The following UBE2V2 variants were observed in gnomAD, a reference collection of about 807,000 sequenced individuals.
UBE2V2 encodes the protein ubiquitin-conjugating enzyme E2 variant 2.
A neutral mutation model predicts 17.2 loss-of-function variants in UBE2V2; 9 were observed. That is an observed-to-expected ratio of 0.52 (90% confidence interval 0.32 to 0.91). The LOEUF (loss-of-function observed/expected upper bound fraction) is 0.91. Ranked by LOEUF, UBE2V2 falls within the 40% of genes least tolerant of loss-of-function variation. The pLI is 0.04. For synonymous variants in UBE2V2, 61 were observed against 57.5 expected (o/e 1.06, Z -0.28); for missense variants, 133 against 182.6 (o/e 0.73, Z 1.56).
At chr8:48,031,227 C>T (rs984562740) in intron 1 of UBE2V2, among the ~76,000 whole-genome samples, 1 of 151,752 alleles carries the variant, frequency 6.6e-6, no homozygotes, top group Non-Finnish European at 1.5e-5. Context: ...CAAACAAACC[C>T]CCCCCAACAA....
chr8:48,032,657 G>GA, intron 1 of UBE2V2, among the ~76,000 whole-genome samples: 1 of 152,272 alleles, frequency 6.6e-6, no homozygotes, highest in South Asian at 2.1e-4. Context: ...TCTGGAGGCT[G>GA]ACGTGGAAGG....
At chr8:48,029,196 C>T (rs2091366786) in intron 1 of UBE2V2, among the ~76,000 whole-genome samples, 1 of 151,932 alleles carries the variant, frequency 6.6e-6, no homozygotes, top group Admixed American at 6.6e-5. Flanking sequence ...GGGCACAATG[C>T]TGTGTGCCTA....
chr8:48,051,053 G>T (rs959114789), intron 3 of UBE2V2, among the ~76,000 whole-genome samples: 1 of 152,050 alleles, frequency 6.6e-6, no homozygotes, highest in African/African-American at 2.4e-5. Flanking sequence ...TCGTCATGTT[G>T]GCCAGGCTGG....
the UBE2V2 span, among the ~76,000 whole-genome samples, chr8:47,998,152 T>C: frequency 9.9e-5 from 15 of 152,054 alleles, 1 homozygote; most frequent in African/African-American, 3.6e-4. Flanking sequence ...GGAGTCATGG[T>C]CTAATTTGTA....
intron 2 of UBE2V2, among the ~76,000 whole-genome samples, chr8:48,049,329 CAT>C (rs1271290895): frequency 2.0e-5 from 3 of 152,104 alleles, no homozygotes; most frequent in Non-Finnish European, 4.4e-5. Context: ...GTAGGATAAT[CAT>C]ATAATTTGTT....
intron 1 of UBE2V2, among the ~76,000 whole-genome samples, chr8:48,033,439 G>A (rs1455625029): frequency 1.3e-5 from 2 of 151,926 alleles, no homozygotes; most frequent in Admixed American, 1.3e-4. Context: ...TCCTGCCTTG[G>A]CCTCCCAAAG....
chr8:48,060,606 T>C (rs1802578435), intron 3 of UBE2V2, 76 bp from the exon 4 acceptor site: 3 of 1,304,640 alleles, frequency 2.3e-6, no homozygotes, highest in Admixed American at 3.0e-5. Flanking sequence ...ATCATTCTTA[T>C]TAAAATATGC....
At chr8:48,008,278 C>A, upstream of UBE2V2, 1 of 688,410 alleles carries the variant, frequency 1.5e-6, no homozygotes, top group Non-Finnish European at 2.1e-6. Flanking sequence ...AAGGGAATTG[C>A]GGAAACAGCA....
At chr8:48,045,958 G>C (rs928536502) in intron 2 of UBE2V2, among the ~76,000 whole-genome samples, 4 of 151,888 alleles carry the variant, frequency 2.6e-5, no homozygotes, top group African/African-American at 9.7e-5. Flanking sequence ...TTGTTTGTTT[G>C]TTTTTGAGAC....
Position 48,014,644 on chromosome 8 carries a change from C to CAA in UBE2V2, c.16+6193_16+6194dup, listed in dbSNP as rs1179934700. On this transcript the variant is annotated intron_variant, in intron 1 of 3. Transcript: ENST00000523111. ...TGGGCAACAGAGAGAGACTCTGCCTCAAAAAAAAAAAAAAAAAAAATGTGC... is the reference window on the plus strand; with the variant it reads ...TGGGCAACAGAGAGAGACTCTGCCTCAAAAAAAAAAAAAAAAAAAAAATGTGC... Among the ~76,000 whole-genome samples, 628 of 71,986 alleles carry CAA rather than the reference C, an allele frequency of 8.7e-3. 15 individuals are homozygous for CAA. The highest frequency in any genetic ancestry group is 0.017 in the African/African-American group (311 of 17,900). 47.2% of individuals were successfully genotyped at this position (71,986 alleles called of 152,430 possible).
intron 1 of UBE2V2, among the ~76,000 whole-genome samples, chr8:48,035,943 CCTTT>C (rs1563854769): frequency 1.4e-5 from 2 of 147,576 alleles, no homozygotes; most frequent in African/African-American, 2.5e-5. Flanking sequence ...TCTCCCCTTG[CCTTT>C]CTTTTTTTTT....
chr8:48,049,787 T>A, intron 2 of UBE2V2, 66 bp from the exon 3 acceptor site: 2 of 1,410,792 alleles, frequency 1.4e-6, no homozygotes, highest in South Asian at 1.3e-5. Flanking sequence ...TTTTTTTTTT[T>A]AGCACTTAGA....
intron 1 of UBE2V2, among the ~76,000 whole-genome samples, chr8:48,025,066 C>T (rs944788770): frequency 6.6e-6 from 1 of 151,722 alleles, no homozygotes; most frequent in Non-Finnish European, 1.5e-5. Flanking sequence ...TCCCGAGTAG[C>T]TGGAACTACA....
intron 3 of UBE2V2, among the ~76,000 whole-genome samples, chr8:48,058,321 A>C (rs2091586375): frequency 6.6e-6 from 1 of 152,000 alleles, no homozygotes; most frequent in East Asian, 1.9e-4. Context: ...ACAAAAAATT[A>C]GCCGGGTATG....
chr8:48,035,364 A>G (rs1589858305), intron 1 of UBE2V2, among the ~76,000 whole-genome samples: 1 of 151,268 alleles, frequency 6.6e-6, no homozygotes, highest in Non-Finnish European at 1.5e-5. Flanking sequence ...CAGGTGATAT[A>G]CCCACCTTGG....
intron 1 of UBE2V2, among the ~76,000 whole-genome samples, chr8:48,030,888 G>A (rs552069970): frequency 2.4e-4 from 36 of 152,218 alleles, no homozygotes; most frequent in African/African-American, 8.4e-4. Context: ...CAGGAGTAGT[G>A]GTACATGCCT....
upstream of UBE2V2, among the ~76,000 whole-genome samples, chr8:48,005,635 A>G (rs1187833903): frequency 6.6e-6 from 1 of 152,232 alleles, no homozygotes; most frequent in Non-Finnish European, 1.5e-5. Flanking sequence ...ACTCCCACCA[A>G]CAGTGTAAAA....
intron 3 of UBE2V2, 119 bp from the exon 4 acceptor site, chr8:48,060,563 T>C (rs1336005296): frequency 4.5e-6 from 4 of 883,280 alleles, no homozygotes. Flanking sequence ...GTGTATGTTT[T>C]GTGAAAATAG....
rs1283483902 is a variant in UBE2V2 at position 48,031,292 on chromosome 8, GTTTTA to G, written c.17-11736_17-11732del. ...TTTTTGTAGATTGTAATATTTCACTGTTTTATTTTTAGTTTGCTTTTCTGAAGTAA... is the reference window on the plus strand; with the variant it reads ...TTTTTGTAGATTGTAATATTTCACTGTTTTTAGTTTGCTTTTCTGAAGTAA... On this transcript the variant is annotated intron_variant, in intron 1 of 3. Transcript: ENST00000523111. Among the ~76,000 whole-genome samples the G allele has an allele frequency of 3.3e-5, 5 of 152,134 alleles. No homozygotes were observed. The South Asian group carries it at 6.3e-4, about 19-fold the overall frequency.
Sources: allele counts gnomAD v4.1 joint callset (sites outside exome capture counted in the v4.1 genomes callset), GRCh38; gene constraint gnomAD v4.1.1; transcripts MANE v1.5; gene names NCBI Gene and HGNC (gene_info 2026-07-23, HGNC 2026-07-21).